C1orf141: variants seen among roughly 807,000 people sequenced by gnomAD.
C1orf141 encodes the protein chromosome 1 open reading frame 141, also known as uncharacterized protein C1orf141.
In C1orf141, 19 loss-of-function variants were observed where a neutral mutation model predicts 23.2. That is an observed-to-expected ratio of 0.82 (90% confidence interval 0.57 to 1.20). The LOEUF is 1.20. Among genes scored for constraint, C1orf141 ranks in the 50% most tolerant of loss-of-function variants. The probability of loss-of-function intolerance (pLI) is 0.00; values close to 1 mark genes in which losing one functional copy is unlikely to be tolerated. For synonymous variants in C1orf141, 153 were observed against 154.6 expected, an observed-to-expected ratio of 0.99 and a Z score of 0.08; for missense variants, 469 against 455.1, an observed-to-expected ratio of 1.03 and a Z score of -0.28.
chr1:67,135,066 G>A (rs576838092), upstream of C1orf141: 8 of 152,138 alleles, frequency 5.3e-5, no homozygotes, highest in African/African-American at 1.9e-4. Context: ...CTAGAGAGCA[G>A]AGTTCTCTTC....
chr1:67,103,474 A>T, intron 5 of C1orf141: 1 of 680,468 alleles, frequency 1.5e-6, no homozygotes, highest in Non-Finnish European at 2.1e-6. Context: ...TCACATTTGC[A>T]ATATTGAATT....
chr1:67,127,518 AC>A (rs1646438076), intron 2 of C1orf141, among the ~76,000 whole-genome samples: 1 of 152,218 alleles, frequency 6.6e-6, no homozygotes. Flanking sequence ...GTTCACGATT[AC>A]CATGAGAACC....
At position 67,103,388 on chromosome 1, in the gene C1orf141, C is replaced by T. The variant is rs1281942021; in HGVS notation, c.347-7067G>A. ...AAAGGCCCTGCATTTTCCATCTAAA[C>T]ATCAGGAAAAATGGAAAATTATCTT... On this transcript the variant is annotated intron_variant, in intron 5 of 7. Transcript: ENST00000684719. 6.6e-6 allele frequency: 9 copies of T among 1,357,460 alleles called. No homozygotes were observed. The East Asian group carries it at 1.3e-4, about 20-fold the overall frequency. 84.1% of individuals were successfully genotyped at this position (1,357,460 alleles called of 1,614,324 possible). A position where few individuals can be genotyped will look rare whatever the true frequency, so the allele number is the denominator to read the frequency against.
chr1:67,135,192 A>C (rs944822237), upstream of C1orf141, among the ~76,000 whole-genome samples: 3 of 152,262 alleles, frequency 2.0e-5, no homozygotes, highest in African/African-American at 7.2e-5. Flanking sequence ...AAGTAAAAGA[A>C]GAAGATCAAG....
At chr1:67,103,346 G>A in intron 5 of C1orf141, 1 of 1,470,948 alleles carries the variant, frequency 6.8e-7, no homozygotes, top group Non-Finnish European at 9.1e-7. Context: ...TGTCTATGCT[G>A]TGAATATAGA....
At chr1:67,113,830 G>T in intron 5 of C1orf141, 1 of 538,484 alleles carries the variant, frequency 1.9e-6, no homozygotes, top group South Asian at 1.6e-5. Context: ...ATTAGTAACA[G>T]CCCTCCTGCT....
intron 4 of C1orf141, among the ~76,000 whole-genome samples, chr1:67,125,424 G>A (rs1271395532): frequency 6.6e-6 from 1 of 152,088 alleles, no homozygotes; most frequent in Non-Finnish European, 1.5e-5. Flanking sequence ...TGGACGAGGT[G>A]AGGTGGCTCA....
Position 67,125,822 on chromosome 1 carries a change from C to A in C1orf141, c.163G>T (p.Ala55Ser). Residue 55 changes from alanine (A) to serine (S), a missense_variant, in exon 4 of 8, where the codon GCT becomes TCT. Ala to Ser is a moderately conservative substitution (Grantham distance 99). Coordinates refer to ENST00000684719, the MANE Select transcript of C1orf141 (RefSeq NM_001276351.2). The stretch of plus-strand genomic sequence containing the variant: ...GATATTGCCTTAGACGCGGATGTAG[C>A]AAGAGCTTCTTCAAATTCCAACTGA... ...DFQLEFEEALATSASKAISKI... is the reference protein window; with the variant it reads ...DFQLEFEEALSTSASKAISKI... The A allele has an allele frequency of 6.2e-7, 1 of 1,612,462 alleles. No homozygotes were observed. Among genetic ancestry groups the A allele is most frequent in the Non-Finnish European group, 8.5e-7 (1 of 1,179,676 alleles).
In C1orf141 at chr1:67,096,263, A is replaced by G. The variant is rs779598066; in HGVS notation, c.405T>C (p.Asp135=). 3 of 1,479,476 alleles carry G rather than the reference A, an allele frequency of 2.0e-6. No homozygotes were observed. Among genetic ancestry groups the G allele is most frequent in the South Asian group, 1.2e-5 (1 of 81,448 alleles). 91.6% of individuals were successfully genotyped at this position (1,479,476 alleles called of 1,614,324 possible). A position where few individuals can be genotyped will look rare whatever the true frequency, so the allele number is the denominator to read the frequency against. Reference sequence around the variant, plus strand: ...TTAAAATAAATTACCTTTTATTTCTATCACCTTCTAAGAGACCAACAGAAT... The same window carrying G: ...TTAAAATAAATTACCTTTTATTTCTGTCACCTTCTAAGAGACCAACAGAAT... ...PLDSVGLLEG[D]RNKRKKSPQM... Residue 135 remains aspartate (D), a synonymous_variant, in exon 6 of 8, where the codon GAT becomes GAC. Coordinates refer to ENST00000684719, the MANE Select transcript of C1orf141 (RefSeq NM_001276351.2).
At chr1:67,114,895 C>T (rs935535297) in intron 5 of C1orf141, among the ~76,000 whole-genome samples, 54 of 152,280 alleles carry the variant, frequency 3.5e-4, no homozygotes, top group African/African-American at 1.2e-3. Flanking sequence ...AGGCTGGTCT[C>T]GAACTCCTGA....
chr1:67,135,661 C>G (rs1329098898), upstream of C1orf141, among the ~76,000 whole-genome samples: 4 of 151,814 alleles, frequency 2.6e-5, no homozygotes, highest in African/African-American at 9.7e-5. Context: ...ATTTTTAGAG[C>G]CATAATCTAA....
At chr1:67,110,584 T>C (rs953263536) in intron 5 of C1orf141, among the ~76,000 whole-genome samples, 1 of 152,118 alleles carries the variant, frequency 6.6e-6, no homozygotes, top group African/African-American at 2.4e-5. Context: ...GAAAGGGCTG[T>C]GTGTGCTTAT....
intron 1 of C1orf141, among the ~76,000 whole-genome samples, chr1:67,132,242 G>A (rs966789453): frequency 6.6e-6 from 1 of 152,112 alleles, no homozygotes; most frequent in Non-Finnish European, 1.5e-5. Flanking sequence ...TTTACTCGCT[G>A]GGCGTGGTGG....
At chr1:67,100,096 TAAA>T (rs2102423437) in intron 5 of C1orf141, among the ~76,000 whole-genome samples, 1 of 152,336 alleles carries the variant, frequency 6.6e-6, no homozygotes, top group Admixed American at 6.5e-5. Context: ...TAAACATTGA[TAAA>T]TATATGCACT....
In C1orf141 at chr1:67,111,717, A is replaced by G. The variant is rs75249610; in HGVS notation, c.346+3635T>C. On this transcript the variant is annotated intron_variant, in intron 5 of 7. Coordinates refer to ENST00000684719, the MANE Select transcript of C1orf141 (RefSeq NM_001276351.2). ...TTAAACCCAATCAACCATTTTCTCC[A>G]CTGCAGTAAACTTTTAAGAAATGTA... 4.5e-3 allele frequency: 2,542 copies of G among 568,914 alleles called. 11 individuals are homozygous for G. Among genetic ancestry groups the G allele is most frequent in the Non-Finnish European group, 5.7e-3 (1,947 of 341,256 alleles). The allele number at this position is 568,914 out of a possible 1,614,324, so 35.2% of individuals were successfully genotyped here. A position where few individuals can be genotyped will look rare whatever the true frequency, so the allele number is the denominator to read the frequency against.
chr1:67,118,295 G>GA (rs1486318199), intron 4 of C1orf141, among the ~76,000 whole-genome samples: 1 of 152,104 alleles, frequency 6.6e-6, no homozygotes, highest in Non-Finnish European at 1.5e-5. Context: ...ACTGGTGGGG[G>GA]AAAAAAGAAA....
At chr1:67,103,467 C>T (rs1458699698) in intron 5 of C1orf141, 8 of 730,546 alleles carry the variant, frequency 1.1e-5, no homozygotes, top group African/African-American at 3.6e-5. Context: ...TGAGTATTCA[C>T]ATTTGCAATA....
At chr1:67,115,640 T>C (rs964975524) in intron 4 of C1orf141, among the ~76,000 whole-genome samples, 176 bp from the exon 5 acceptor site, 10 of 152,190 alleles carry the variant, frequency 6.6e-5, no homozygotes, top group Admixed American at 4.6e-4. Flanking sequence ...CTGAAAATAT[T>C]AGTTTTAGTC....
intron 5 of C1orf141, among the ~76,000 whole-genome samples, chr1:67,106,640 A>G (rs922277578): frequency 6.6e-6 from 1 of 152,164 alleles, no homozygotes. Flanking sequence ...CCTGGGTGAC[A>G]GAGCACGACT....
Sources: allele counts gnomAD v4.1 joint callset (sites outside exome capture counted in the v4.1 genomes callset), GRCh38; gene constraint gnomAD v4.1.1; transcripts MANE v1.5; gene names NCBI Gene and HGNC (gene_info 2026-07-23, HGNC 2026-07-21).